The following SRPRB variants were observed in gnomAD, a reference collection of about 807,000 sequenced individuals.
SRPRB encodes signal recognition particle receptor subunit beta.
Under a neutral mutation model 31.9 loss-of-function variants are expected in SRPRB, and 20 were observed. The observed-to-expected ratio is 0.63, with a 90% CI of 0.44 to 0.91. The LOEUF is 0.91. SRPRB is among the 40% of genes least tolerant of loss of function. SRPRB has a pLI of 0.00. For missense variants in SRPRB, 321 were observed against 324.9 expected (o/e 0.99, Z 0.09); for synonymous variants, 146 against 132.8 (o/e 1.10, Z -0.68).
intron 1 of SRPRB, chr3:133,790,277 T>A (rs1169126518): frequency 6.6e-6 from 1 of 152,222 alleles, no homozygotes; most frequent in Non-Finnish European, 1.5e-5. Flanking sequence ...AACTATAAAT[T>A]CCCATATCTG....
chr3:133,811,733 C>G (rs1338302479), intron 4 of SRPRB, among the ~76,000 whole-genome samples: 1 of 151,796 alleles, frequency 6.6e-6, no homozygotes, highest in Admixed American at 6.6e-5. Context: ...CAGGCACGCA[C>G]CACCACACCC....
chr3:133,819,899 C>A lies in SRPRB; in HGVS notation c.*133C>A. The stretch of plus-strand genomic sequence containing the variant: ...ATTTCTTTGTTCTGGAAACAAAGTA[C>A]TGTTGAAACCAGCTTGGAATTTTTT... On this transcript the variant is annotated 3_prime_UTR_variant, in exon 7 of 7. Transcript: ENST00000678299. The A allele has an allele frequency of 7.9e-6, 6 of 758,364 alleles. No homozygotes were observed. The highest frequency in any genetic ancestry group is 2.0e-5 in the South Asian group (1 of 50,916). 47.0% of individuals were successfully genotyped at this position (758,364 alleles called of 1,614,324 possible). A position where few individuals can be genotyped will look rare whatever the true frequency, so the allele number is the denominator to read the frequency against.
intron 3 of SRPRB, 96 bp from the exon 4 acceptor site, chr3:133,811,021 T>C (rs1935252887): frequency 8.8e-7 from 1 of 1,138,704 alleles, no homozygotes; most frequent in Non-Finnish European, 1.3e-6. Flanking sequence ...TTTGGTTAAT[T>C]AGGTACCAGT....
At chr3:133,802,898 C>A (rs566380824), upstream of SRPRB, among the ~76,000 whole-genome samples, 1 of 152,298 alleles carries the variant, frequency 6.6e-6, no homozygotes, top group Admixed American at 6.5e-5. Flanking sequence ...GATCCACAGC[C>A]CCAAGCCCTC....
Position 133,815,592 on chromosome 3 carries a change from C to G in SRPRB, c.413C>G (p.Ala138Gly). The change falls in exon 5 of 7, where the codon GCT becomes GGT. Residue 138 changes from alanine (A) to glycine (G), a missense_variant and splice_region_variant. Physicochemically the swap from Ala to Gly is moderately conservative, Grantham distance 60. Transcript: ENST00000678299. Reference protein sequence around the residue: ...FLERFKSSARAIVFVVDSAAF... With the variant: ...FLERFKSSARGIVFVVDSAAF... ...TTTTTCTTGTTTTCTCCCTCCAGGG[C>G]TATTGTGTTTGTTGTGGATAGTGCA... is the stretch of plus-strand genomic sequence containing the variant. The G allele has an allele frequency of 6.2e-7, 1 of 1,613,750 alleles. No individual in the cohort carries two copies. The highest frequency in any genetic ancestry group is 1.1e-5 in the South Asian group (1 of 91,014).
At chr3:133,792,561 C>T (rs1934867589) in intron 1 of SRPRB, 1 of 152,140 alleles carries the variant, frequency 6.6e-6, no homozygotes. Context: ...TAATTAAAAT[C>T]CTTAACTTAC....
chr3:133,809,306 C>G (rs1008314969), intron 3 of SRPRB, among the ~76,000 whole-genome samples: 1 of 152,094 alleles, frequency 6.6e-6, no homozygotes, highest in Non-Finnish European at 1.5e-5. Flanking sequence ...TAATAAGTTT[C>G]GGTGAGTGAG....
intron 1 of SRPRB, chr3:133,796,346 G>A (rs1934971406): frequency 1.3e-5 from 2 of 152,266 alleles, no homozygotes; most frequent in South Asian, 2.1e-4. Flanking sequence ...AAAGATTTAT[G>A]GGGATCCCAT....
chr3:133,816,999 A>C, intron 6 of SRPRB, 67 bp downstream of exon 6: 1 of 1,298,510 alleles, frequency 7.7e-7, no homozygotes, highest in South Asian at 1.5e-5. Flanking sequence ...CAGCATATTC[A>C]TGTTTCTTTT....
downstream of SRPRB, among the ~76,000 whole-genome samples, chr3:133,823,116 G>A (rs112679061): frequency 6.2e-3 from 937 of 152,324 alleles, 10 homozygotes; most frequent in African/African-American, 0.022. Flanking sequence ...CCTAAGCGCT[G>A]TGTGGGCTTG....
chr3:133,828,354 G>T, downstream of SRPRB: 1 of 351,584 alleles, frequency 2.8e-6, no homozygotes, highest in South Asian at 3.7e-5. Flanking sequence ...GGGATAGGAG[G>T]AAGGCAGAGG....
intron 1 of SRPRB, chr3:133,786,525 T>C (rs1216533645): frequency 6.6e-6 from 1 of 152,246 alleles, no homozygotes; most frequent in Non-Finnish European, 1.5e-5. Context: ...TTGTTTTACT[T>C]ATCTGGGTAT....
chr3:133,822,650 G>A (rs7619758), downstream of SRPRB, among the ~76,000 whole-genome samples: 7,644 of 152,210 alleles, frequency 0.05, 601 homozygotes, highest in African/African-American at 0.17. Context: ...TGAAGCGCTG[G>A]CCATGCTCTG....
At chr3:133,824,809 C>CA (rs1282000314), downstream of SRPRB, 3 of 152,186 alleles carry the variant, frequency 2.0e-5, no homozygotes, top group African/African-American at 7.2e-5. Context: ...GAGGAACACA[C>CA]CCACACACAG....
At chr3:133,818,665 T>C (rs536612467) in intron 6 of SRPRB, among the ~76,000 whole-genome samples, 6 of 152,312 alleles carry the variant, frequency 3.9e-5, no homozygotes, top group Admixed American at 3.9e-4. Flanking sequence ...TAAAAAATAT[T>C]AAAATGAATA....
intron 3 of SRPRB, 142 bp from the exon 4 acceptor site, chr3:133,810,975 G>T: frequency 1.3e-6 from 1 of 749,608 alleles, no homozygotes; most frequent in Non-Finnish European, 2.1e-6. Context: ...ACGTTGACTA[G>T]TGTTTTATGA....
intron 6 of SRPRB, 25 bp from the exon 7 acceptor site, chr3:133,819,528 T>A (rs1047284195): frequency 1.3e-6 from 2 of 1,599,332 alleles, no homozygotes; most frequent in Admixed American, 3.4e-5. Flanking sequence ...TTTTGCCTCC[T>A]GACTTCTTTC....
intron 4 of SRPRB, 67 bp downstream of exon 4, chr3:133,811,266 A>G: frequency 6.5e-7 from 1 of 1,531,068 alleles, no homozygotes; most frequent in Non-Finnish European, 9.0e-7. Flanking sequence ...CACTCATGTG[A>G]TTTGCTCTGG....
intron 4 of SRPRB, among the ~76,000 whole-genome samples, chr3:133,814,674 A>G (rs1004407793): frequency 3.4e-5 from 5 of 144,928 alleles, no homozygotes; most frequent in African/African-American, 1.3e-4. Flanking sequence ...CCTGACCTCA[A>G]GTGATCTGCC....
Sources: allele counts gnomAD v4.1 joint callset (sites outside exome capture counted in the v4.1 genomes callset), GRCh38; gene constraint gnomAD v4.1.1; transcripts MANE v1.5; gene names NCBI Gene and HGNC (gene_info 2026-07-23, HGNC 2026-07-21).